TLR4: variants seen among roughly 807,000 people sequenced by gnomAD.
TLR4 encodes toll like receptor 4.
TLR4 carries 17 observed loss-of-function variants against 27.4 expected under a neutral mutation model. The observed-to-expected ratio is 0.62, with a 90% CI of 0.42 to 0.93. The LOEUF is 0.93. Ranked by LOEUF, TLR4 falls within the 40% of genes least tolerant of loss-of-function variation. TLR4 has a pLI of 0.00. For synonymous variants in TLR4, 363 were observed against 365.7 expected (o/e 0.99, Z 0.08); for missense variants, 926 against 962.3 (o/e 0.96, Z 0.50).
rs1367016454 is a variant in TLR4, at chr9:117,715,861, G to A, written c.*1213G>A. On this transcript the variant is annotated 3_prime_UTR_variant, in exon 3 of 3. Coordinates refer to ENST00000355622, the MANE Select transcript of TLR4 (RefSeq NM_138554.5). ...TGACCACATTTTGGGAAGAGTGGAT[G>A]TTATCATTGAGAAAACAATGTGTCT... 6.6e-6 allele frequency: 1 copy of A among 152,108 alleles called. No homozygotes were observed. The highest frequency in any genetic ancestry group is 2.4e-5 in the African/African-American group (1 of 41,408). 9.4% of individuals were successfully genotyped at this position (152,108 alleles called of 1,614,324 possible).
In TLR4 at chr9:117,723,495, T is replaced by C. The variant is rs1829445028; in HGVS notation, c.*8847T>C. 1 of 152,292 alleles carries C rather than the reference T, an allele frequency of 6.6e-6. No homozygotes were observed. Among genetic ancestry groups the C allele is most frequent in the East Asian group, 1.9e-4 (1 of 5,184 alleles). 9.4% of individuals were successfully genotyped at this position (152,292 alleles called of 1,614,324 possible). A position where few individuals can be genotyped will look rare whatever the true frequency, so the allele number is the denominator to read the frequency against. ...TCTGTTTATCTATGAGATAACGTTATTTTTACGCTGTCTTCTGTGAAAGTT... is the reference window on the plus strand; with the variant it reads ...TCTGTTTATCTATGAGATAACGTTACTTTTACGCTGTCTTCTGTGAAAGTT... On this transcript the variant is annotated 3_prime_UTR_variant, in exon 3 of 3. Transcript: ENST00000355622.
rs1232171633 is a variant in TLR4, at chr9:117,720,728, C to T, written c.*6080C>T. 2 of 152,166 alleles carry T rather than the reference C, an allele frequency of 1.3e-5. No homozygotes were observed. The highest frequency in any genetic ancestry group is 2.9e-5 in the Non-Finnish European group (2 of 68,050). The allele number at this position is 152,166 out of a possible 1,614,324, so 9.4% of individuals were successfully genotyped here. ...AGCTCTTGACTCATACTAACAACAC[C>T]CCATTTCCCATGGGCCAAGCAAGGC... On this transcript the variant is annotated 3_prime_UTR_variant, in exon 3 of 3. Transcript: ENST00000355622.
chr9:117,708,915 A>G, intron 2 of TLR4, 186 bp downstream of exon 2: 1 of 701,352 alleles, frequency 1.4e-6, no homozygotes, highest in South Asian at 2.0e-5. Context: ...TCAGTTTTCT[A>G]ATCTGTGAAG....
At position 117,714,668 on chromosome 9, in the gene TLR4, C is replaced by T; in HGVS notation, c.*20C>T. 1.9e-6 allele frequency: 3 copies of T among 1,607,368 alleles called. No individual in the cohort carries two copies. The highest frequency in any genetic ancestry group is 2.5e-6 in the Non-Finnish European group (3 of 1,176,612). On this transcript the variant is annotated 3_prime_UTR_variant, in exon 3 of 3. Coordinates refer to ENST00000355622, the MANE Select transcript of TLR4 (RefSeq NM_138554.5). ...ATCTGAAGAGGAAAAATAAAAACCT[C>T]CTGAGGCATTTCTTGCCCAGCTGGG...
intron 1 of TLR4, 92 bp downstream of exon 1, chr9:117,704,657 A>G: frequency 9.2e-7 from 1 of 1,091,342 alleles, no homozygotes; most frequent in Non-Finnish European, 1.4e-6. Flanking sequence ...TTTGCAAAAA[A>G]AAAAAAGAGT....
Position 117,712,373 on chromosome 9 carries a change from CT to C in TLR4, c.261-11del, listed in dbSNP as rs5030643. On this transcript the variant is annotated splice_polypyrimidine_tract_variant and intron_variant, in intron 2 of 2. Transcript: ENST00000355622. ...AGCAGAAATATTAGATAATCAATGTCTTTTTATTCCTGTAGGTGTGAAATCC... is the reference window on the plus strand; with the variant it reads ...AGCAGAAATATTAGATAATCAATGTCTTTTATTCCTGTAGGTGTGAAATCC... 11,480 of 1,608,376 alleles carry C rather than the reference CT, an allele frequency of 7.1e-3. 660 individuals are homozygous for C. In the African/African-American group the frequency reaches 0.13, roughly 18 times the overall value.
At position 117,724,397 on chromosome 9, in the gene TLR4, G is replaced by A. The variant is rs192796419; in HGVS notation, c.*9749G>A. On this transcript the variant is annotated 3_prime_UTR_variant, in exon 3 of 3. Transcript: ENST00000355622. ...CATTTTCTTATTGTGCACTAAGTTA[G>A]TTCTTGCTTAGTAAGTCTTGTCTTT... 1 of 150,132 alleles carries A rather than the reference G, an allele frequency of 6.7e-6. No homozygotes were observed. Among genetic ancestry groups the A allele is most frequent in the East Asian group, 1.9e-4 (1 of 5,190 alleles). The allele number at this position is 150,132 out of a possible 1,614,324, so 9.3% of individuals were successfully genotyped here. A position where few individuals can be genotyped will look rare whatever the true frequency, so the allele number is the denominator to read the frequency against.
intron 2 of TLR4, among the ~76,000 whole-genome samples, chr9:117,710,383 A>G (rs1272834461): frequency 6.7e-6 from 1 of 150,360 alleles, no homozygotes; most frequent in African/African-American, 2.4e-5. Context: ...CTATGCCATT[A>G]TGTTCTAAAT....
At chr9:117,708,765 G>C in intron 2 of TLR4, 36 bp downstream of exon 2, 4 of 1,612,600 alleles carry the variant, frequency 2.5e-6, no homozygotes, top group Non-Finnish European at 3.4e-6. Context: ...CACAAGGTGA[G>C]GTGTTCATTG....
Position 117,713,188 on chromosome 9 carries a change from A to C in TLR4, c.1060A>C (p.Lys354Gln), listed in dbSNP as rs1304901531. ...TCCCACATTGAAACTCAAATCTCTC[A>C]AAAGGCTTACTTTCACTTCCAACAA... ...QFPTLKLKSL[K>Q]RLTFTSNKGG... The change falls in exon 3 of 3, where the codon AAA (lysine) becomes CAA (glutamine). Residue 354 changes from lysine (K) to glutamine (Q), a missense_variant. Transcript: ENST00000355622. The C allele has an allele frequency of 6.2e-7, 1 of 1,613,966 alleles. No homozygotes were observed. The highest frequency in any genetic ancestry group is 8.5e-7 in the Non-Finnish European group (1 of 1,179,990).
rs1829249423 is a variant in TLR4 at position 117,712,488 on chromosome 9, A to G, written c.360A>G (p.Gly120=). Residue 120 remains glycine (G), a synonymous_variant, in exon 3 of 3, where the codon GGA becomes GGG. Transcript: ENST00000355622. The part of the protein sequence containing the change: ...TGNPIQSLAL[G]AFSGLSSLQK... Reference sequence around the variant, plus strand: ...ACCCCATCCAGAGTTTAGCCCTGGGAGCCTTTTCTGGACTATCAAGTTTAC... The same window carrying G: ...ACCCCATCCAGAGTTTAGCCCTGGGGGCCTTTTCTGGACTATCAAGTTTAC... 4.3e-6 allele frequency: 7 copies of G among 1,613,894 alleles called. No homozygotes were observed. The highest frequency in any genetic ancestry group is 5.1e-6 in the Non-Finnish European group (6 of 1,179,930).
In TLR4 at chr9:117,713,460, A is replaced by G. The variant is rs138424496; in HGVS notation, c.1332A>G (p.Leu444=). The G allele has an allele frequency of 2.2e-5, 35 of 1,614,010 alleles. No individual in the cohort carries two copies. Among genetic ancestry groups the G allele is most frequent in the Non-Finnish European group, 2.8e-5 (33 of 1,180,026 alleles). ...LKQMSEFSVF[L]SLRNLIYLDI... is the part of the protein sequence containing the mutation. ...AAATGAGTGAGTTTTCAGTATTCCT[A>G]TCACTCAGAAACCTCATTTACCTTG... Residue 444 remains leucine (L), a synonymous_variant, in exon 3 of 3, where the codon CTA becomes CTG. Transcript: ENST00000355622.
chr9:117,704,996 C>T (rs967734972), intron 1 of TLR4, among the ~76,000 whole-genome samples: 13 of 152,110 alleles, frequency 8.5e-5, no homozygotes, highest in Non-Finnish European at 4.4e-5. Context: ...CTTTCAATCT[C>T]AGGAAAAAGA....
chr9:117,713,046 T>A lies in TLR4; in HGVS notation c.918T>A (p.Cys306Ter). ...YLDDIIDLFN[C>*]LTNVSSFSLV... ...ATGATATTATTGACTTATTTAATTG[T>A]TTGACAAATGTTTCTTCATTTTCCC... Residue 306 changes from cysteine (C) to a stop codon, truncating the protein, a stop_gained, in exon 3 of 3, where the codon TGT becomes TGA. Transcript: ENST00000355622. LOFTEE classifies it low-confidence loss of function (END_TRUNC). 1.2e-6 allele frequency: 2 copies of A among 1,614,044 alleles called. No individual in the cohort carries two copies. The highest frequency in any genetic ancestry group is 2.2e-5 in the South Asian group (2 of 91,064).
In TLR4 at chr9:117,708,662, C is replaced by T. The variant is rs772783306; in HGVS notation, c.193C>T (p.Pro65Ser). The T allele has an allele frequency of 1.4e-5, 23 of 1,613,852 alleles. No homozygotes were observed. The South Asian group carries it at 1.6e-4, about 12-fold the overall frequency. Residue 65 changes from proline to serine, a missense_variant, in exon 2 of 3, where the codon CCC (proline) becomes TCC (serine). Transcript: ENST00000355622. ...CAAGAACCTGGACCTGAGCTTTAAT[C>T]CCCTGAGGCATTTAGGCAGCTATAG... ...STKNLDLSFNPLRHLGSYSFF... is the reference protein window; with the variant it reads ...STKNLDLSFNSLRHLGSYSFF...
In TLR4 at chr9:117,704,574, C is replaced by T. The variant is rs1387350324; in HGVS notation, c.93+9C>T. On this transcript the variant is annotated intron_variant, in intron 1 of 2. Coordinates refer to ENST00000355622, the MANE Select transcript of TLR4 (RefSeq NM_138554.5). ...GGGAGCCCTGCGTGGAGGTATGTGG[C>T]TGGAGTCAGCTCCTCTGAACTTTCC... 1 of 1,612,278 alleles carries T rather than the reference C, an allele frequency of 6.2e-7. No individual in the cohort carries two copies. The highest frequency in any genetic ancestry group is 1.3e-5 in the African/African-American group (1 of 74,922).
Position 117,716,284 on chromosome 9 carries a change from T to G in TLR4, c.*1636T>G, listed in dbSNP as rs1829345969. 1 of 152,166 alleles carries G rather than the reference T, an allele frequency of 6.6e-6. No individual in the cohort carries two copies. The highest frequency in any genetic ancestry group is 2.1e-4 in the South Asian group (1 of 4,834). 9.4% of individuals were successfully genotyped at this position (152,166 alleles called of 1,614,324 possible). ...ATGTTCATTGTGGCACTCTTCACAA[T>G]CACTGTTTCCAAAGTTATGGAAACA... is the stretch of plus-strand genomic sequence containing the variant. On this transcript the variant is annotated 3_prime_UTR_variant, in exon 3 of 3. Transcript: ENST00000355622.
At position 117,720,266 on chromosome 9, in the gene TLR4, G is replaced by C. The variant is rs943543664; in HGVS notation, c.*5618G>C. On this transcript the variant is annotated 3_prime_UTR_variant, in exon 3 of 3. Transcript: ENST00000355622. ...CATTCTTTCCATAACATAATTGCTT[G>C]CTGTGATGTCCTGGGCTACTCTGCC... 1 of 152,126 alleles carries C rather than the reference G, an allele frequency of 6.6e-6. No individual in the cohort carries two copies. The highest frequency in any genetic ancestry group is 2.4e-5 in the African/African-American group (1 of 41,420). The allele number at this position is 152,126 out of a possible 1,614,324, so 9.4% of individuals were successfully genotyped here. A position where few individuals can be genotyped will look rare whatever the true frequency, so the allele number is the denominator to read the frequency against.
Position 117,720,563 on chromosome 9 carries a change from G to A in TLR4, c.*5915G>A, listed in dbSNP as rs1394073030. On this transcript the variant is annotated 3_prime_UTR_variant, in exon 3 of 3. Coordinates refer to ENST00000355622, the MANE Select transcript of TLR4 (RefSeq NM_138554.5). ...AGCAGTTCTGGGAATGGCAATAAAGGTTTAGAAATGACGTGATGTTTATGA... is the reference window on the plus strand; with the variant it reads ...AGCAGTTCTGGGAATGGCAATAAAGATTTAGAAATGACGTGATGTTTATGA... The A allele has an allele frequency of 1.3e-5, 2 of 152,156 alleles. No homozygotes were observed. The highest frequency in any genetic ancestry group is 4.8e-5 in the African/African-American group (2 of 41,434). The allele number at this position is 152,156 out of a possible 1,614,324, so 9.4% of individuals were successfully genotyped here. A position where few individuals can be genotyped will look rare whatever the true frequency, so the allele number is the denominator to read the frequency against.
Sources: gnomAD v4.1 joint callset for allele counts (sites outside exome capture counted in the v4.1 genomes callset) on GRCh38, gnomAD v4.1.1 for gene constraint, MANE v1.5 for transcripts, NCBI Gene and HGNC (gene_info 2026-07-23, HGNC 2026-07-21) for gene names.